The following ITPR2 variants were observed in gnomAD, a reference collection of about 807,000 sequenced individuals.
ITPR2 encodes the protein inositol 1,4,5-trisphosphate receptor type 2.
A neutral mutation model predicts 317.1 loss-of-function variants in ITPR2; 207 were observed. That is an observed-to-expected ratio of 0.65 (90% CI 0.58 to 0.73). The LOEUF (loss-of-function observed/expected upper bound fraction) is 0.73, where lower values mean the gene tolerates loss of function less well. Among genes scored for constraint, ITPR2 ranks in the 30% least tolerant of loss-of-function variants. ITPR2 has a pLI of 0.00. For synonymous variants in ITPR2, 1,156 were observed against 1,149.1 expected (o/e 1.01, Z -0.12); for missense variants, 2,613 against 3,284.0 (o/e 0.80, Z 4.99).
intron 10 of ITPR2, among the ~76,000 whole-genome samples, chr12:26,689,656 T>C (rs556758851): frequency 1.3e-5 from 2 of 152,312 alleles, no homozygotes; most frequent in African/African-American, 4.8e-5. Context: ...AAAGCCACAC[T>C]GCTGTCCAAC....
At chr12:26,684,298 T>C (rs1948087262) in intron 11 of ITPR2, among the ~76,000 whole-genome samples, 1 of 152,172 alleles carries the variant, frequency 6.6e-6, no homozygotes, top group African/African-American at 2.4e-5. Context: ...ATCACTTGGG[T>C]AATAAATGCT....
At chr12:26,594,931 T>C (rs1945803689) in intron 32 of ITPR2, among the ~76,000 whole-genome samples, 1 of 152,132 alleles carries the variant, frequency 6.6e-6, no homozygotes, top group African/African-American at 2.4e-5. Flanking sequence ...CAAACAGTAA[T>C]AAGCGAATAT....
intron 48 of ITPR2, among the ~76,000 whole-genome samples, chr12:26,430,015 C>T (rs1941162956): frequency 6.6e-6 from 1 of 152,174 alleles, no homozygotes; most frequent in East Asian, 1.9e-4. Context: ...TCCCCTTGAT[C>T]AAACAGAAAT....
At chr12:26,438,313 A>G (rs1274427609) in intron 47 of ITPR2, among the ~76,000 whole-genome samples, 2 of 152,100 alleles carry the variant, frequency 1.3e-5, no homozygotes, top group Non-Finnish European at 2.9e-5. Flanking sequence ...GCACCACTCA[A>G]ATTCATAAAT....
chr12:26,345,814 C>T (rs946050802), intron 55 of ITPR2, among the ~76,000 whole-genome samples: 13 of 152,168 alleles, frequency 8.5e-5, no homozygotes, highest in Non-Finnish European at 1.5e-4. Context: ...AGAGAAGATA[C>T]TAGTTAACAG....
At chr12:26,654,203 G>A (rs1947325430) in intron 20 of ITPR2, 77 bp from the exon 21 acceptor site, 1 of 1,168,196 alleles carries the variant, frequency 8.6e-7, no homozygotes, top group Non-Finnish European at 1.2e-6. Context: ...ATAAACATTG[G>A]CTTTTTTATT....
chr12:26,783,140 TTACTACC>T lies in ITPR2; in HGVS notation c.163+7010_163+7016del, dbSNP rs565547080. Among the ~76,000 whole-genome samples the T allele has an allele frequency of 4.4e-4, 67 of 152,338 alleles. 2 individuals carry two copies. In the South Asian group the frequency reaches 5.6e-3, roughly 13 times the overall value. ...TCTCCATTTTCCCCCAAGTCCCTAA[TTACTACC>T]TGCTTTAGTGTTCATTGCACAGCAA... On this transcript the variant is annotated intron_variant, in intron 2 of 56. Coordinates refer to ENST00000381340, the MANE Select transcript of ITPR2 (RefSeq NM_002223.4).
chr12:26,376,702 T>TC (rs549242094), intron 55 of ITPR2, among the ~76,000 whole-genome samples: 2 of 151,640 alleles, frequency 1.3e-5, no homozygotes, highest in Non-Finnish European at 2.9e-5. Context: ...CTTTCTTTTT[T>TC]TTTCTTTCTT....
At chr12:26,465,032 G>A (rs758576864) in intron 45 of ITPR2, among the ~76,000 whole-genome samples, 1 of 152,212 alleles carries the variant, frequency 6.6e-6, no homozygotes, top group Non-Finnish European at 1.5e-5. Context: ...CGCTGAAGAT[G>A]TGCATTTGGA....
At chr12:26,589,824 ATAAAT>A (rs1945647209) in intron 32 of ITPR2, among the ~76,000 whole-genome samples, 1 of 35,194 alleles carries the variant, frequency 2.8e-5, no homozygotes, top group African/African-American at 8.0e-5. Flanking sequence ...AAATAAATAA[ATAAAT>A]AAACATATAT....
intron 49 of ITPR2, among the ~76,000 whole-genome samples, chr12:26,422,077 A>G (rs1257882949): frequency 2.0e-5 from 3 of 150,972 alleles, no homozygotes; most frequent in Non-Finnish European, 4.4e-5. Flanking sequence ...TAAATTATCT[A>G]TTTGCTAATT....
At chr12:26,775,475 A>G (rs1949943739) in intron 2 of ITPR2, among the ~76,000 whole-genome samples, 1 of 152,204 alleles carries the variant, frequency 6.6e-6, no homozygotes, top group Non-Finnish European at 1.5e-5. Flanking sequence ...TGCAAATGAA[A>G]AAGCATCAGG....
chr12:26,550,203 A>C (rs1229830393), intron 37 of ITPR2, 44 bp downstream of exon 37: 1 of 797,236 alleles, frequency 1.3e-6, no homozygotes, highest in Non-Finnish European at 2.0e-6. Flanking sequence ...GTATTGGGGA[A>C]ATCCTACTTT....
chr12:26,419,143 G>A lies in ITPR2; in HGVS notation c.7016C>T (p.Ala2339Val). Residue 2339 changes from alanine (A) to valine (V), a missense_variant, in exon 50 of 57, where the codon GCA (alanine) becomes GTA (valine). Ala to Val is a moderately conservative substitution (Grantham distance 64). Around this residue, in one of 9 missense-constraint regions of ITPR2, gnomAD observed 78 missense variants for 110.3 expected, o/e 0.71. Transcript: ENST00000381340. ...GAGAAAGGCCATATCCAGGATGACT[G>A]CTCGGTACCCACGGGTGAACGTGCC... ...NRGTFTRGYR[A>V]VILDMAFLYH... 6.2e-7 allele frequency: 1 copy of A among 1,613,766 alleles called. No individual in the cohort carries two copies. Among genetic ancestry groups the A allele is most frequent in the Non-Finnish European group, 8.5e-7 (1 of 1,179,806 alleles).
chr12:26,524,321 G>A (rs183432900), intron 37 of ITPR2, among the ~76,000 whole-genome samples: 16 of 152,300 alleles, frequency 1.1e-4, no homozygotes, highest in Admixed American at 5.2e-4. Flanking sequence ...ATGAGCCACA[G>A]GGGGTACTAT....
chr12:26,507,857 C>CTCTGTGTGTGTGTGTG (rs1326140162), intron 37 of ITPR2, among the ~76,000 whole-genome samples: 158 of 88,310 alleles, frequency 1.8e-3, no homozygotes, highest in African/African-American at 5.1e-3. Flanking sequence ...TCTTCTCTCT[C>CTCTGTGTGTGTGTGTG]TGTCTCTGTG....
At chr12:26,537,075 T>G (rs1292951623) in intron 37 of ITPR2, among the ~76,000 whole-genome samples, 1 of 151,532 alleles carries the variant, frequency 6.6e-6, no homozygotes, top group Non-Finnish European at 1.5e-5. Flanking sequence ...AGGGACCGCT[T>G]AGAGAAGAGG....
intron 54 of ITPR2, among the ~76,000 whole-genome samples, chr12:26,393,213 A>G (rs1939900373): frequency 6.6e-6 from 1 of 152,170 alleles, no homozygotes; most frequent in South Asian, 2.1e-4. Context: ...CTCCTTTGTT[A>G]TTTGGTACTA....
At chr12:26,476,472 G>A (rs1310406892) in intron 44 of ITPR2, among the ~76,000 whole-genome samples, 2 of 152,118 alleles carry the variant, frequency 1.3e-5, no homozygotes, top group African/African-American at 2.4e-5. Context: ...TTGAGGCCAA[G>A]CATTGTACAA....
Sources: allele counts gnomAD v4.1 joint callset (sites outside exome capture counted in the v4.1 genomes callset), GRCh38; gene constraint gnomAD v4.1.1; regional missense constraint gnomAD v4.1.1; transcripts MANE v1.5; gene names NCBI Gene and HGNC (gene_info 2026-07-23, HGNC 2026-07-21).